The following SLC4A4 variants were observed in gnomAD, a reference collection of about 807,000 sequenced individuals.
The protein encoded by SLC4A4 is electrogenic sodium bicarbonate cotransporter 1.
SLC4A4 carries 27 observed loss-of-function variants against 111.5 expected under a neutral mutation model. The observed-to-expected ratio is 0.24, with a 90% CI of 0.18 to 0.33. The LOEUF is 0.33. SLC4A4 is among the 10% of genes least tolerant of loss of function. SLC4A4 has a pLI of 1.00. For missense variants in SLC4A4, 909 were observed against 1,315.5 expected (o/e 0.69, Z 4.78); for synonymous variants, 443 against 463.4 (o/e 0.96, Z 0.57).
intron 2 of SLC4A4, among the ~76,000 whole-genome samples, chr4:71,253,903 C>T (rs1438139959): frequency 6.6e-6 from 1 of 152,164 alleles, no homozygotes; most frequent in African/African-American, 2.4e-5. Context: ...AACCCATTCA[C>T]TTAGGTTCTG....
intron 6 of SLC4A4, among the ~76,000 whole-genome samples, chr4:71,358,515 A>G (rs1173373671): frequency 1.3e-5 from 2 of 152,176 alleles, no homozygotes; most frequent in Non-Finnish European, 2.9e-5. Context: ...AAACACTACA[A>G]GCAGATTTTC....
chr4:71,475,518 C>A (rs1284224398), intron 14 of SLC4A4, among the ~76,000 whole-genome samples: 1 of 151,788 alleles, frequency 6.6e-6, no homozygotes. Context: ...TTTTCCCAGG[C>A]TGTGTAAAAA....
intron 20 of SLC4A4, among the ~76,000 whole-genome samples, chr4:71,554,526 T>C (rs555405747): frequency 4.4e-4 from 67 of 152,018 alleles, no homozygotes; most frequent in African/African-American, 1.6e-3. Context: ...TTAAAAGATG[T>C]GTATTAATCC....
At chr4:71,475,083 A>T (rs1728236796) in intron 14 of SLC4A4, among the ~76,000 whole-genome samples, 3 of 151,842 alleles carry the variant, frequency 2.0e-5, no homozygotes, top group Admixed American at 2.0e-4. Flanking sequence ...TTATTAATTT[A>T]TACATAAATA....
intron 7 of SLC4A4, among the ~76,000 whole-genome samples, chr4:71,431,504 G>A (rs916340446): frequency 6.6e-6 from 1 of 152,138 alleles, no homozygotes. Flanking sequence ...AGGACATGGA[G>A]GGTAGAGTGT....
intron 1 of SLC4A4, among the ~76,000 whole-genome samples, chr4:71,229,371 C>A (rs1320990678): frequency 6.6e-6 from 1 of 152,170 alleles, no homozygotes; most frequent in East Asian, 1.9e-4. Flanking sequence ...CATTCATGTA[C>A]AGGTTTTTGG....
At chr4:71,109,711 T>A (rs1386751162) in intron 2 of SLC4A4, among the ~76,000 whole-genome samples, 2 of 151,738 alleles carry the variant, frequency 1.3e-5, no homozygotes, top group Non-Finnish European at 2.9e-5. Context: ...CCAGGCTACG[T>A]TTTGTATTTT....
chr4:71,282,296 AT>A (rs762426176), intron 3 of SLC4A4, among the ~76,000 whole-genome samples: 5,052 of 143,822 alleles, frequency 0.035, 272 homozygotes, highest in African/African-American at 0.11. Flanking sequence ...CCTAAAGATG[AT>A]TTTTTTTTTT....
chr4:71,467,939 A>C (rs1342748430), intron 13 of SLC4A4, among the ~76,000 whole-genome samples: 1 of 152,148 alleles, frequency 6.6e-6, no homozygotes, highest in South Asian at 2.1e-4. Context: ...AACTGTCATT[A>C]CCTTCATAGT....
At chr4:71,459,142 T>C (rs1346791911) in intron 12 of SLC4A4, among the ~76,000 whole-genome samples, 6 of 152,036 alleles carry the variant, frequency 3.9e-5, no homozygotes, top group African/African-American at 1.4e-4. Flanking sequence ...GGTTAAGTAA[T>C]GTGTATTTGG....
chr4:71,436,081 TC>T (rs1284223790), intron 7 of SLC4A4, among the ~76,000 whole-genome samples: 1 of 152,118 alleles, frequency 6.6e-6, no homozygotes, highest in Non-Finnish European at 1.5e-5. Context: ...AGATTATAAA[TC>T]ATTCTGCTAT....
intron 1 of SLC4A4, among the ~76,000 whole-genome samples, chr4:71,204,333 A>G (rs1234386026): frequency 6.6e-6 from 1 of 152,324 alleles, no homozygotes; most frequent in African/African-American, 2.4e-5. Flanking sequence ...TCTGTTTACC[A>G]GGAAGCCATT....
At chr4:71,345,767 A>G (rs1182098761) in intron 4 of SLC4A4, among the ~76,000 whole-genome samples, 1 of 152,098 alleles carries the variant, frequency 6.6e-6, no homozygotes, top group Non-Finnish European at 1.5e-5. Flanking sequence ...GGGAAATTCT[A>G]TTTCAGGCCA....
rs1468141151 is a variant in SLC4A4 at position 71,497,623 on chromosome 4, C to T, written c.2097C>T (p.Leu699=). The T allele has an allele frequency of 1.9e-6, 3 of 1,613,678 alleles. No individual in the cohort carries two copies. The highest frequency in any genetic ancestry group is 1.1e-5 in the South Asian group (1 of 91,070). The change falls in exon 16 of 26, where the codon CTC becomes CTT. Residue 699 remains leucine (L), a synonymous_variant. Transcript: ENST00000264485. ...VPDITLMSFI[L]FLGTYTSSMA... is the part of the protein sequence containing the mutation. Reference sequence around the variant, plus strand: ...ATATCACACTCATGTCTTTTATCCTCTTCTTGGGAACCTACACCTCTTCCA... The same window carrying T: ...ATATCACACTCATGTCTTTTATCCTTTTCTTGGGAACCTACACCTCTTCCA...
intron 8 of SLC4A4, 101 bp downstream of exon 8, chr4:71,440,874 C>A: frequency 2.3e-6 from 3 of 1,331,504 alleles, no homozygotes; most frequent in Non-Finnish European, 3.2e-6. Flanking sequence ...TTAGTGCAAA[C>A]ACATTGGAGA....
chr4:71,351,930 T>C (rs1729877970), intron 5 of SLC4A4, among the ~76,000 whole-genome samples: 1 of 152,058 alleles, frequency 6.6e-6, no homozygotes, highest in Non-Finnish European at 1.5e-5. Context: ...AGGAAACAAT[T>C]TTATATAGCA....
chr4:71,465,975 T>G (rs755701054), intron 12 of SLC4A4, among the ~76,000 whole-genome samples: 1 of 152,028 alleles, frequency 6.6e-6, no homozygotes, highest in Non-Finnish European at 1.5e-5. Context: ...AAGGTGTTTC[T>G]CTAGGAAAAA....
rs2602066 is a variant in SLC4A4 at position 71,230,171 on chromosome 4, A to G, written c.-1-6405A>G. 6.3e-3 allele frequency among the ~76,000 whole-genome samples: 959 copies of G among 152,316 alleles called. 10 individuals are homozygous for G. Among genetic ancestry groups the G allele is most frequent in the African/African-American group, 0.022 (904 of 41,574 alleles). On this transcript the variant is annotated intron_variant, in intron 1 of 25. Transcript: ENST00000264485. Reference sequence around the variant, plus strand: ...GGGAATAGAACTCAGAAATGTGTGTATGAGTGTATAATTTTAGGTGTCAGT... The same window carrying G: ...GGGAATAGAACTCAGAAATGTGTGTGTGAGTGTATAATTTTAGGTGTCAGT...
At chr4:71,179,186 G>T (rs1043038808) in intron 2 of SLC4A4, among the ~76,000 whole-genome samples, 1 of 151,992 alleles carries the variant, frequency 6.6e-6, no homozygotes, top group East Asian at 1.9e-4. Context: ...AATAAATTAG[G>T]TATTGATGGG....
Sources: allele counts gnomAD v4.1 joint callset (sites outside exome capture counted in the v4.1 genomes callset), GRCh38; gene constraint gnomAD v4.1.1; transcripts MANE v1.5; gene names NCBI Gene and HGNC (gene_info 2026-07-23, HGNC 2026-07-21).